PTDSS2: variants seen among roughly 807,000 people sequenced by gnomAD.
The protein encoded by PTDSS2 is PSS-2.
In PTDSS2, 41 loss-of-function variants were observed where a neutral mutation model predicts 64.7. The observed-to-expected ratio is 0.63, with a 90% CI of 0.49 to 0.82. PTDSS2 has a LOEUF of 0.82. PTDSS2 is among the 40% of genes least tolerant of loss of function. The probability of loss-of-function intolerance (pLI) is 0.00; values close to 1 mark genes in which losing one functional copy is unlikely to be tolerated. For synonymous variants in PTDSS2, 297 were observed against 277.8 expected (o/e 1.07, Z -0.69); for missense variants, 485 against 650.0 (o/e 0.75, Z 2.76).
At chr11:488,084 G>A in intron 6 of PTDSS2, 115 bp from the exon 7 acceptor site, 1 of 713,204 alleles carries the variant, frequency 1.4e-6, no homozygotes, top group East Asian at 2.6e-5. Context: ...GGCAGGGCCG[G>A]GCGTGGCCGG....
intron 4 of PTDSS2, among the ~76,000 whole-genome samples, chr11:485,288 G>C (rs531814026): frequency 6.9e-6 from 1 of 144,570 alleles, no homozygotes; most frequent in African/African-American, 2.6e-5. Flanking sequence ...CAGTGCACGG[G>C]CGCGTGTGTG....
upstream of PTDSS2, among the ~76,000 whole-genome samples, chr11:449,538 C>T (rs1487952425): frequency 1.3e-5 from 2 of 152,254 alleles, no homozygotes; most frequent in Non-Finnish European, 2.9e-5. Flanking sequence ...CATTGCTTTT[C>T]AGAGTGGCTC....
intron 4 of PTDSS2, among the ~76,000 whole-genome samples, chr11:484,684 GTGTGTGC>G (rs1270167558): frequency 2.0e-5 from 3 of 148,638 alleles, no homozygotes; most frequent in Admixed American, 6.9e-5. Flanking sequence ...CTGCACGGGC[GTGTGTGC>G]TGTGTGTGTG....
At position 489,953 on chromosome 11, in the gene PTDSS2, G is replaced by C. The variant is rs375896438; in HGVS notation, c.1186G>C (p.Val396Leu). 1.2e-6 allele frequency: 2 copies of C among 1,611,168 alleles called. No homozygotes were observed. Among genetic ancestry groups the C allele is most frequent in the African/African-American group, 2.7e-5 (2 of 75,050 alleles). Residue 396 changes from valine (V) to leucine (L), a missense_variant, in exon 11 of 12, where the codon GTG becomes CTG. This residue lies in a region of PTDSS2 where 219 missense variants were observed against 257.3 expected (regional missense o/e 0.85). Coordinates refer to ENST00000308020, the MANE Select transcript of PTDSS2 (RefSeq NM_030783.3). ...CATCACGGCCACGGAGCTGCTCATC[G>C]TGGTGAAGTACGACCCCCACACGCT... ...AAITATELLI[V>L]VKYDPHTLTL...
chr11:464,435 T>C (rs1218008643), intron 2 of PTDSS2, among the ~76,000 whole-genome samples: 2 of 152,018 alleles, frequency 1.3e-5, no homozygotes, highest in African/African-American at 4.8e-5. Context: ...TTCCCTGCGC[T>C]CAGAGTGCCT....
Position 490,620 on chromosome 11 carries a change from A to G in PTDSS2, c.*38A>G, listed in dbSNP as rs1848633064. 1 of 1,537,182 alleles carries G rather than the reference A, an allele frequency of 6.5e-7. No individual in the cohort carries two copies. The highest frequency in any genetic ancestry group is 8.8e-7 in the Non-Finnish European group (1 of 1,138,586). ...CTGCCTCGTGAGCCTCCCAGAGCCC[A>G]GGCCTCCGTGGCCTCCTCCTGTGTG... On this transcript the variant is annotated 3_prime_UTR_variant, in exon 12 of 12. Transcript: ENST00000308020.
In PTDSS2 at chr11:489,976, G is replaced by A. The variant is rs769509053; in HGVS notation, c.1209G>A (p.Thr403=). Reference sequence around the variant, plus strand: ...TCGTGGTGAAGTACGACCCCCACACGCTCACCCTGTCCCTGCCCTTCTACA... The same window carrying A: ...TCGTGGTGAAGTACGACCCCCACACACTCACCCTGTCCCTGCCCTTCTACA... ...LLIVVKYDPH[T]LTLSLPFYIS... Residue 403 remains threonine, a synonymous_variant, in exon 11 of 12, where the codon ACG becomes ACA. Coordinates refer to ENST00000308020, the MANE Select transcript of PTDSS2 (RefSeq NM_030783.3). 15 of 1,612,038 alleles carry A rather than the reference G, an allele frequency of 9.3e-6. No homozygotes were observed. The highest frequency in any genetic ancestry group is 1.7e-4 in the Middle Eastern group (1 of 6,060).
chr11:452,221 G>A (rs1308164092), intron 1 of PTDSS2, among the ~76,000 whole-genome samples: 1 of 152,196 alleles, frequency 6.6e-6, no homozygotes, highest in African/African-American at 2.4e-5. Context: ...TCATTTGGCC[G>A]TTCAGCACAT....
intron 2 of PTDSS2, among the ~76,000 whole-genome samples, chr11:468,979 G>C (rs1211758138): frequency 3.1e-4 from 41 of 131,676 alleles, no homozygotes; most frequent in African/African-American, 9.1e-4. Context: ...AGGAGGAGGG[G>C]AGTCTCTGGG....
At chr11:465,058 TG>T (rs1847082492) in intron 2 of PTDSS2, among the ~76,000 whole-genome samples, 1 of 152,166 alleles carries the variant, frequency 6.6e-6, no homozygotes, top group Non-Finnish European at 1.5e-5. Context: ...GGCGAAGGGA[TG>T]GCCTTTTCAA....
rs559931971 is a variant in PTDSS2 at position 460,553 on chromosome 11, C to A, written c.284+265C>A. The A allele has an allele frequency of 3.7e-5, 16 of 438,114 alleles. No homozygotes were observed. In the East Asian group the frequency reaches 6.4e-4, roughly 18 times the overall value. The allele number at this position is 438,114 out of a possible 1,614,324, so 27.1% of individuals were successfully genotyped here. A position where few individuals can be genotyped will look rare whatever the true frequency, so the allele number is the denominator to read the frequency against. On this transcript the variant is annotated intron_variant, in intron 2 of 11. Transcript: ENST00000308020. This position sits in a 1 kb window ranked among gnomAD's most constrained non-coding sequence, Gnocchi z 5.8. ...TCCACGTGACCGGCAGCCTGTGCTG[C>A]GTTTCCTCTGAGTTTTGCATGTTGA...
At chr11:485,026 GGC>G (rs1848257586) in intron 4 of PTDSS2, among the ~76,000 whole-genome samples, 2 of 133,814 alleles carry the variant, frequency 1.5e-5, no homozygotes. Context: ...ACAGTGCACG[GGC>G]GCGTGTGTGC....
At chr11:467,567 C>T (rs919722151) in intron 2 of PTDSS2, among the ~76,000 whole-genome samples, 2 of 151,336 alleles carry the variant, frequency 1.3e-5, no homozygotes, top group African/African-American at 4.9e-5. Flanking sequence ...ACAAGCCTAG[C>T]CAACATAGTG....
chr11:450,847 C>CT (rs1457364939), intron 1 of PTDSS2, among the ~76,000 whole-genome samples: 1 of 152,112 alleles, frequency 6.6e-6, no homozygotes, highest in Non-Finnish European at 1.5e-5. Context: ...GAGGGCGGCG[C>CT]TGTAGGTGGG....
Position 460,527 on chromosome 11 carries a change from C to T in PTDSS2, c.284+239C>T, listed in dbSNP as rs900898962. The T allele has an allele frequency of 2.0e-6, 1 of 509,072 alleles. No homozygotes were observed. Among genetic ancestry groups the T allele is most frequent in the Non-Finnish European group, 3.6e-6 (1 of 280,126 alleles). 31.5% of individuals were successfully genotyped at this position (509,072 alleles called of 1,614,324 possible). A position where few individuals can be genotyped will look rare whatever the true frequency, so the allele number is the denominator to read the frequency against. On this transcript the variant is annotated intron_variant, in intron 2 of 11. Coordinates refer to ENST00000308020, the MANE Select transcript of PTDSS2 (RefSeq NM_030783.3). This position sits in a 1 kb window ranked among gnomAD's most constrained non-coding sequence, Gnocchi z 5.8. The stretch of plus-strand genomic sequence containing the variant: ...ACTGGGAGCCAGGAGTCTGTGTCAT[C>T]TCCACGTGACCGGCAGCCTGTGCTG...
rs1847592790 is a variant in PTDSS2 at position 473,777 on chromosome 11, T to TTCC, written c.285-118_285-117insTCC. ...CCCAGCTCTGCCCGAGGCCCCTTCC[T>TTCC]CCCGCCCCAGCATCAGGGGCTGTTC... On this transcript the variant is annotated intron_variant, in intron 2 of 11. Transcript: ENST00000308020. The TTCC allele has an allele frequency of 1.8e-5, 15 of 817,308 alleles. No homozygotes were observed. The East Asian group carries it at 3.7e-4, about 20-fold the overall frequency. The allele number at this position is 817,308 out of a possible 1,614,324, so 50.6% of individuals were successfully genotyped here.
At chr11:448,692 G>T (rs1165995464), upstream of PTDSS2, among the ~76,000 whole-genome samples, 1 of 152,210 alleles carries the variant, frequency 6.6e-6, no homozygotes, top group Non-Finnish European at 1.5e-5. Flanking sequence ...TCACAGTCAG[G>T]CCCCATCCCT....
chr11:482,713 C>T (rs1034855710), intron 4 of PTDSS2, among the ~76,000 whole-genome samples: 7 of 152,352 alleles, frequency 4.6e-5, no homozygotes, highest in East Asian at 3.9e-4. Context: ...ATCTCCTTAC[C>T]GAGTGGAGAA....
At chr11:454,841 C>T (rs550936647) in intron 1 of PTDSS2, among the ~76,000 whole-genome samples, 1 of 152,242 alleles carries the variant, frequency 6.6e-6, no homozygotes, top group South Asian at 2.1e-4. Context: ...AGTGTGTGAT[C>T]CTGTCTTTGT....
Sources: gnomAD v4.1 joint callset for allele counts (sites outside exome capture counted in the v4.1 genomes callset) on GRCh38, gnomAD v4.1.1 for gene constraint, gnomAD v4.1.1 regional missense constraint, Gnocchi (gnomAD v3.1) non-coding constraint, MANE v1.5 for transcripts, NCBI Gene and HGNC (gene_info 2026-07-23, HGNC 2026-07-21) for gene names.